The following POLR1E variants were observed in gnomAD, a reference collection of about 807,000 sequenced individuals.
The protein encoded by POLR1E is DNA-directed RNA polymerase I subunit RPA49.
POLR1E carries 37 observed loss-of-function variants against 50.9 expected under a neutral mutation model. The observed-to-expected ratio is 0.73, with a 90% confidence interval of 0.56 to 0.96. The LOEUF (loss-of-function observed/expected upper bound fraction) is 0.96. POLR1E is among the 40% of genes least tolerant of loss of function. The probability of loss-of-function intolerance (pLI) is 0.00; values close to 1 mark genes in which losing one functional copy is unlikely to be tolerated. For missense variants in POLR1E, 426 were observed against 518.1 expected, an observed-to-expected ratio of 0.82 and a Z score of 1.73; for synonymous variants, 166 against 191.6, an observed-to-expected ratio of 0.87 and a Z score of 1.10.
intron 6 of POLR1E, among the ~76,000 whole-genome samples, chr9:37,494,324 G>A (rs565112516): frequency 4.1e-4 from 62 of 152,202 alleles, no homozygotes; most frequent in African/African-American, 1.3e-3. Flanking sequence ...GATTATAGGC[G>A]CACACCACTG....
chr9:37,497,680 CT>C (rs1820808762), intron 8 of POLR1E, among the ~76,000 whole-genome samples: 1 of 152,204 alleles, frequency 6.6e-6, no homozygotes, highest in Non-Finnish European at 1.5e-5. Flanking sequence ...CTGTCTAGCC[CT>C]TTATTCATCC....
intron 6 of POLR1E, 109 bp from the exon 7 acceptor site, chr9:37,495,060 A>G (rs1029798170): frequency 1.5e-5 from 14 of 903,374 alleles, no homozygotes; most frequent in Non-Finnish European, 2.2e-5. Context: ...AGAAGCATTT[A>G]GACTTGGGGT....
intron 9 of POLR1E, among the ~76,000 whole-genome samples, chr9:37,498,755 C>T (rs1820827704): frequency 6.6e-6 from 1 of 152,136 alleles, no homozygotes. Context: ...TCATACCTAC[C>T]CAGAGTTGGA....
chr9:37,486,263 C>G (rs1820572954), intron 1 of POLR1E, 140 bp downstream of exon 1: 1 of 1,271,414 alleles, frequency 7.9e-7, no homozygotes, highest in African/African-American at 1.5e-5. Context: ...CCCCTGGGCT[C>G]TGTCAGGGCT....
At chr9:37,488,110 G>A (rs941795298) in intron 3 of POLR1E, among the ~76,000 whole-genome samples, 171 bp downstream of exon 3, 2 of 152,156 alleles carry the variant, frequency 1.3e-5, no homozygotes, top group Admixed American at 1.3e-4. Flanking sequence ...ACGTGTAGAC[G>A]TTGCTGGAAA....
At chr9:37,499,587 A>G (rs115257567) in intron 9 of POLR1E, among the ~76,000 whole-genome samples, 4,369 of 152,156 alleles carry the variant, frequency 0.029, 127 homozygotes, top group African/African-American at 0.072. Context: ...ACTGGAGTGC[A>G]GTCCCATGAT....
chr9:37,486,535 C>A, intron 1 of POLR1E, 168 bp from the exon 2 acceptor site: 1 of 1,570,134 alleles, frequency 6.4e-7, no homozygotes, highest in Non-Finnish European at 8.6e-7. Context: ...ACCTCCTCTT[C>A]TCAGCTGGCC....
chr9:37,496,619 A>ATTT (rs1229748702), intron 8 of POLR1E, among the ~76,000 whole-genome samples: 3 of 51,210 alleles, frequency 5.9e-5, no homozygotes, highest in South Asian at 5.5e-4. Flanking sequence ...TATTATTATT[A>ATTT]TTTCTTTTTT....
chr9:37,498,361 G>T (rs1820821816), intron 9 of POLR1E, 137 bp downstream of exon 9: 1 of 977,262 alleles, frequency 1.0e-6, no homozygotes, highest in Admixed American at 3.0e-5. Context: ...ATTCATTCTG[G>T]TACTGCTGAC....
chr9:37,500,735 T>TGAA, intron 9 of POLR1E, 105 bp from the exon 10 acceptor site: 3 of 798,254 alleles, frequency 3.8e-6, no homozygotes, highest in South Asian at 3.2e-5. Context: ...CACCTGGTTC[T>TGAA]GGTCATTGCA....
In POLR1E at chr9:37,495,231, TATG is replaced by T; in HGVS notation, c.617_619del (p.Asp206del). On this transcript the variant is annotated inframe_deletion, in exon 7 of 12. Coordinates refer to ENST00000377798, the MANE Select transcript of POLR1E (RefSeq NM_022490.4). The stretch of plus-strand genomic sequence containing the variant: ...TGACTCCCTCTACCTTCCTCCCTGC[TATG>T]ATGATGCAGCCAAGCCTGAAGACGT... The T allele has an allele frequency of 6.2e-7, 1 of 1,614,176 alleles. No individual in the cohort carries two copies. The highest frequency in any genetic ancestry group is 8.5e-7 in the Non-Finnish European group (1 of 1,180,004).
At position 37,486,002 on chromosome 9, in the gene POLR1E, G is replaced by A; in HGVS notation, c.-46G>A. On this transcript the variant is annotated 5_prime_UTR_variant, in exon 1 of 12. Coordinates refer to ENST00000377798, the MANE Select transcript of POLR1E (RefSeq NM_022490.4). ...CCCGCGTGTTTAAAAGTGCGCTTGT[G>A]GCTGCTGCTGTCTTAACTCCTGTGC... 1 of 1,574,678 alleles carries A rather than the reference G, an allele frequency of 6.4e-7. No individual in the cohort carries two copies. The highest frequency in any genetic ancestry group is 8.6e-7 in the Non-Finnish European group (1 of 1,161,152).
At chr9:37,491,603 A>G (rs1820686921) in intron 4 of POLR1E, among the ~76,000 whole-genome samples, 1 of 151,860 alleles carries the variant, frequency 6.6e-6, no homozygotes, top group Non-Finnish European at 1.5e-5. Flanking sequence ...AGCTGGGGTT[A>G]TAGGTGTGCG....
At chr9:37,501,634 T>C in intron 10 of POLR1E, 79 bp from the exon 11 acceptor site, 62 of 1,505,604 alleles carry the variant, frequency 4.1e-5, no homozygotes, top group Non-Finnish European at 5.5e-5. Flanking sequence ...AGAATAGGAT[T>C]GGATGTTCTT....
At chr9:37,487,283 G>A (rs918049785) in intron 2 of POLR1E, among the ~76,000 whole-genome samples, 19 of 152,226 alleles carry the variant, frequency 1.2e-4, no homozygotes, top group Non-Finnish European at 2.5e-4. Flanking sequence ...CTGAGGCCAC[G>A]TGGGGAAGAG....
Position 37,498,002 on chromosome 9 carries a change from G to T in POLR1E, c.753-89G>T, listed in dbSNP as rs533679895. 16 of 1,453,636 alleles carry T rather than the reference G, an allele frequency of 1.1e-5. No homozygotes were observed. The Admixed American group carries it at 1.9e-4, about 18-fold the overall frequency. The allele number at this position is 1,453,636 out of a possible 1,614,324, so 90.0% of individuals were successfully genotyped here. A position where few individuals can be genotyped will look rare whatever the true frequency, so the allele number is the denominator to read the frequency against. ...TGTTGAGTGCGTCGGGGTGAGAGGC[G>T]CCTGCTGTTCTCGTTGTAAGAGGGA... is the stretch of plus-strand genomic sequence containing the variant. On this transcript the variant is annotated intron_variant, in intron 8 of 11. Transcript: ENST00000377798.
intron 2 of POLR1E, among the ~76,000 whole-genome samples, chr9:37,487,311 T>C (rs1324030674): frequency 6.6e-6 from 1 of 152,086 alleles, no homozygotes; most frequent in Admixed American, 6.5e-5. Flanking sequence ...CAGAGTGAGC[T>C]CAGTGGGAGG....
chr9:37,492,656 G>T lies in POLR1E; in HGVS notation c.344-1G>T. ...CTCTCTGTTTTTGTGTGTTTTGATA[G>T]ATGTATCAGTTGAGAGTGAACTGGC... On this transcript the variant is annotated splice_acceptor_variant, in intron 4 of 11. Coordinates refer to ENST00000377798, the MANE Select transcript of POLR1E (RefSeq NM_022490.4). LOFTEE classifies it high-confidence loss of function. The T allele has an allele frequency of 6.2e-7, 1 of 1,613,874 alleles. No homozygotes were observed. The highest frequency in any genetic ancestry group is 8.5e-7 in the Non-Finnish European group (1 of 1,179,830).
Position 37,500,900 on chromosome 9 carries a change from G to A in POLR1E, c.947G>A (p.Cys316Tyr). Residue 316 changes from cysteine (C) to tyrosine (Y), a missense_variant, in exon 10 of 12, where the codon TGC (cysteine) becomes TAC (tyrosine). Transcript: ENST00000377798. ...INTKLLKHFT[C>Y]LTYNNGRLRN... ...ACCAAACTGCTGAAGCACTTTACTT[G>A]CTTGACCTACAACAATGGCAGGTCA... The A allele has an allele frequency of 6.2e-7, 1 of 1,613,682 alleles. No individual in the cohort carries two copies. The highest frequency in any genetic ancestry group is 8.5e-7 in the Non-Finnish European group (1 of 1,179,654).
Sources: allele counts gnomAD v4.1 joint callset (sites outside exome capture counted in the v4.1 genomes callset), GRCh38; gene constraint gnomAD v4.1.1; transcripts MANE v1.5; gene names NCBI Gene and HGNC (gene_info 2026-07-23, HGNC 2026-07-21).